The following FNDC1 variants were observed in gnomAD, a reference collection of about 807,000 sequenced individuals.
The protein encoded by FNDC1 is fibronectin type III domain-containing protein 1.
FNDC1 carries 96 observed loss-of-function variants against 168.0 expected under a neutral mutation model. The observed-to-expected ratio is 0.57, with a 90% CI of 0.48 to 0.68. The LOEUF is 0.68. Among genes scored for constraint, FNDC1 ranks in the 30% least tolerant of loss-of-function variants. The pLI, the probability that FNDC1 is intolerant of heterozygous loss-of-function variation, is 0.00. For missense variants in FNDC1, 2,587 were observed against 2,482.1 expected (o/e 1.04, Z -0.90); for synonymous variants, 1,099 against 1,025.9 (o/e 1.07, Z -1.36).
intron 4 of FNDC1, among the ~76,000 whole-genome samples, chr6:159,205,359 A>C (rs992618929): frequency 6.6e-6 from 1 of 152,232 alleles, no homozygotes; most frequent in African/African-American, 2.4e-5. Context: ...CACCAACTTT[A>C]AGGCATATGA....
chr6:159,203,085 CA>C (rs1263866008), intron 4 of FNDC1, among the ~76,000 whole-genome samples: 1 of 152,172 alleles, frequency 6.6e-6, no homozygotes, highest in African/African-American at 2.4e-5. Flanking sequence ...TGTGTGTCCA[CA>C]TTTCCTTTTT....
Position 159,232,782 on chromosome 6 carries a change from C to A in FNDC1, c.2270C>A (p.Ala757Glu), listed in dbSNP as rs531988989. ...GACGCCCCAGCCACCAACTCCAATG[C>A]GCCATCACGGTCCACCATGTCCTCC... ...GEDAPATNSN[A>E]PSRSTMSSSV... The change falls in exon 11 of 23, where the codon GCG (alanine) becomes GAG (glutamate). Residue 757 changes from alanine to glutamate, a missense_variant. Physicochemically the swap from Ala to Glu is moderately radical, Grantham distance 107 (BLOSUM62 -1). Coordinates refer to ENST00000297267, the MANE Select transcript of FNDC1 (RefSeq NM_032532.3). This position sits in a 1 kb window ranked among gnomAD's most constrained non-coding sequence, Gnocchi z 4.9. The A allele has an allele frequency of 1.2e-6, 2 of 1,613,958 alleles. No individual in the cohort carries two copies. The highest frequency in any genetic ancestry group is 1.7e-5 in the Admixed American group (1 of 60,030).
In FNDC1 at chr6:159,197,572, T is replaced by C. The variant is rs777674148; in HGVS notation, c.251T>C (p.Leu84Pro). The C allele has an allele frequency of 6.2e-7, 1 of 1,613,916 alleles. No homozygotes were observed. Among genetic ancestry groups the C allele is most frequent in the South Asian group, 1.1e-5 (1 of 91,038 alleles). Residue 84 changes from leucine (L) to proline (P), a missense_variant, in exon 2 of 23, where the codon CTT becomes CCT. Leu to Pro is a moderately conservative substitution (Grantham distance 98). Coordinates refer to ENST00000297267, the MANE Select transcript of FNDC1 (RefSeq NM_032532.3). Reference protein sequence around the residue: ...NIAYGKSLKSLKYIKVNAETY... With the variant: ...NIAYGKSLKSPKYIKVNAETY... ...GCCTATGGGAAGTCACTGAAAAGTC[T>C]TAAATACATCAAGGTGAATGCGGAG...
rs117482535 is a variant in FNDC1 at position 159,253,877 on chromosome 6, G to A, written c.5065+2345G>A. ...CTAAGCTTTGCCAACTCCATTGGAAGCTGGGTTTCCGTGGCACACGTGTGA... is the reference window on the plus strand; with the variant it reads ...CTAAGCTTTGCCAACTCCATTGGAAACTGGGTTTCCGTGGCACACGTGTGA... On this transcript the variant is annotated intron_variant, in intron 17 of 22. Transcript: ENST00000297267. 2.6e-5 allele frequency among the ~76,000 whole-genome samples: 4 copies of A among 152,374 alleles called. No homozygotes were observed. The East Asian group carries it at 7.7e-4, about 29-fold the overall frequency.
intron 20 of FNDC1, 76 bp downstream of exon 20, chr6:159,265,080 T>A: frequency 7.7e-7 from 1 of 1,291,530 alleles, no homozygotes; most frequent in East Asian, 2.4e-5. Flanking sequence ...TTGTGATTAC[T>A]CACAATTAGA....
At position 159,233,177 on chromosome 6, in the gene FNDC1, G is replaced by C; in HGVS notation, c.2665G>C (p.Val889Leu). The part of the protein sequence containing the change: ...EEDEKPLPAT[V>L]VNDHVPSSSR... ...GGATGAGAAGCCGCTTCCTGCCACC[G>C]TTGTCAATGACCACGTGCCTTCCTC... is the stretch of plus-strand genomic sequence containing the variant. The change falls in exon 11 of 23, where the codon GTT (valine) becomes CTT (leucine). Residue 889 changes from valine to leucine, a missense_variant. Coordinates refer to ENST00000297267, the MANE Select transcript of FNDC1 (RefSeq NM_032532.3). The surrounding 1 kb of genome is among the most constrained non-coding windows in gnomAD (Gnocchi z 4.6). 6.2e-7 allele frequency: 1 copy of C among 1,610,296 alleles called. No homozygotes were observed. Among genetic ancestry groups the C allele is most frequent in the South Asian group, 1.1e-5 (1 of 90,124 alleles).
intron 6 of FNDC1, among the ~76,000 whole-genome samples, chr6:159,223,144 C>T (rs547483981): frequency 4.6e-5 from 7 of 151,948 alleles, no homozygotes; most frequent in South Asian, 2.1e-4. Flanking sequence ...TACAGGCACC[C>T]GCCACCACAC....
chr6:159,224,919 G>T lies in FNDC1; in HGVS notation c.885-616G>T, dbSNP rs181587131. ...GGGGTTGCTGAACTGTCCATATTTG[G>T]TCATACTGTATTTCTCCCCCGATAA... On this transcript the variant is annotated intron_variant, in intron 7 of 22. Transcript: ENST00000297267. Among the ~76,000 whole-genome samples the T allele has an allele frequency of 1.9e-3, 294 of 152,196 alleles. 3 individuals are homozygous for T. The highest frequency in any genetic ancestry group is 4.1e-4 in the Non-Finnish European group (28 of 68,002).
rs1374725169 is a variant in FNDC1, at chr6:159,264,815, A to G, written c.5255-160A>G. ...AGAAAACAGTATTTCTCAAAAGGAA[A>G]TGTTTAGAAAATAAAACCAAGGAAA... On this transcript the variant is annotated intron_variant, in intron 19 of 22. Transcript: ENST00000297267. Among the ~76,000 whole-genome samples, 5 of 152,352 alleles carry G rather than the reference A, an allele frequency of 3.3e-5. No homozygotes were observed. In the East Asian group the frequency reaches 9.6e-4, roughly 29 times the overall value.
intron 1 of FNDC1, among the ~76,000 whole-genome samples, chr6:159,180,795 C>T (rs2114923611): frequency 6.6e-6 from 1 of 152,180 alleles, no homozygotes; most frequent in East Asian, 1.9e-4. Flanking sequence ...ATCCAAGTCC[C>T]TGTAAAGGAC....
At chr6:159,193,068 G>T (rs1782172059) in intron 1 of FNDC1, among the ~76,000 whole-genome samples, 1 of 152,198 alleles carries the variant, frequency 6.6e-6, no homozygotes, top group African/African-American at 2.4e-5. Flanking sequence ...CTGGGGTCAA[G>T]GTAGAGGTCA....
intron 11 of FNDC1, among the ~76,000 whole-genome samples, chr6:159,235,018 C>T (rs1783214562): frequency 6.6e-6 from 1 of 152,248 alleles, no homozygotes; most frequent in African/African-American, 2.4e-5. Context: ...CTCAACCAAA[C>T]AAACCCTGAG....
chr6:159,211,129 C>T (rs1439120166), intron 4 of FNDC1, among the ~76,000 whole-genome samples: 3 of 152,170 alleles, frequency 2.0e-5, no homozygotes, highest in African/African-American at 7.2e-5. Flanking sequence ...GGGCAGCTGC[C>T]TGGGGTAAGG....
At chr6:159,265,943 C>CA (rs570127640) in intron 20 of FNDC1, 141 bp from the exon 21 acceptor site, 6 of 898,804 alleles carry the variant, frequency 6.7e-6, no homozygotes, top group Admixed American at 3.3e-5. Context: ...AACAAACAAA[C>CA]AACAACACAA....
In FNDC1 at chr6:159,197,625, GGTAA is replaced by G. The variant is rs1237211174; in HGVS notation, c.304+3_304+6del. 1.2e-6 allele frequency: 2 copies of G among 1,608,306 alleles called. No homozygotes were observed. The highest frequency in any genetic ancestry group is 1.7e-5 in the Admixed American group (1 of 59,534). ...ATACTCCTTCCTTATTGAGGATGTG[GGTAA>G]GTGACACTCTGATCTTGTTCCCAGT... On this transcript the variant is annotated splice_donor_variant and splice_donor_region_variant and intron_variant, in intron 2 of 22. Transcript: ENST00000297267. LOFTEE classifies it high-confidence loss of function.
At chr6:159,221,509 G>A in intron 5 of FNDC1, 89 bp from the exon 6 acceptor site, 1 of 985,884 alleles carries the variant, frequency 1.0e-6, no homozygotes, top group East Asian at 2.5e-5. Flanking sequence ...AAGGGGAGGA[G>A]GAATGCAGAA....
At chr6:159,182,917 A>G (rs562988877) in intron 1 of FNDC1, among the ~76,000 whole-genome samples, 2 of 152,340 alleles carry the variant, frequency 1.3e-5, no homozygotes, top group East Asian at 3.9e-4. Flanking sequence ...TCCAATTAAA[A>G]GTATGTTTTC....
intron 4 of FNDC1, among the ~76,000 whole-genome samples, chr6:159,201,286 C>T (rs546499074): frequency 6.6e-6 from 1 of 152,316 alleles, no homozygotes; most frequent in South Asian, 2.1e-4. Flanking sequence ...ATATATCAAT[C>T]TGGAGTTCTT....
In FNDC1 at chr6:159,223,515, G is replaced by A. The variant is rs760253778; in HGVS notation, c.767-13G>A. Reference sequence around the variant, plus strand: ...GAGAGAAAGCCTTTCTCTGGGTCTCGTTGTCATTTCAGAAGAGGACGAATT... The same window carrying A: ...GAGAGAAAGCCTTTCTCTGGGTCTCATTGTCATTTCAGAAGAGGACGAATT... On this transcript the variant is annotated splice_polypyrimidine_tract_variant and intron_variant, in intron 6 of 22. Coordinates refer to ENST00000297267, the MANE Select transcript of FNDC1 (RefSeq NM_032532.3). 15 of 1,584,776 alleles carry A rather than the reference G, an allele frequency of 9.5e-6. No individual in the cohort carries two copies. Among genetic ancestry groups the A allele is most frequent in the Middle Eastern group, 3.3e-4 (2 of 6,010 alleles).
Sources: allele counts gnomAD v4.1 joint callset (sites outside exome capture counted in the v4.1 genomes callset), GRCh38; gene constraint gnomAD v4.1.1; non-coding constraint Gnocchi (gnomAD v3.1); transcripts MANE v1.5; gene names NCBI Gene and HGNC (gene_info 2026-07-23, HGNC 2026-07-21).